Variants in ANKRD55 observed in about 807,000 individuals in gnomAD.
ANKRD55 encodes ankyrin repeat domain-containing protein 55.
In ANKRD55, 41 loss-of-function variants were observed where a neutral mutation model predicts 60.6. The observed-to-expected ratio is 0.68, with a 90% CI of 0.53 to 0.88. ANKRD55 has a LOEUF of 0.88. Ranked by LOEUF, ANKRD55 falls within the 40% of genes least tolerant of loss-of-function variation. The pLI is 0.00. For synonymous variants in ANKRD55, 264 were observed against 290.3 expected (o/e 0.91, Z 0.92); for missense variants, 732 against 767.6 (o/e 0.95, Z 0.55).
chr5:56,225,898 C>T (rs1318352524), intron 2 of ANKRD55, among the ~76,000 whole-genome samples: 3 of 152,106 alleles, frequency 2.0e-5, no homozygotes, highest in Admixed American at 2.0e-4. Context: ...TGAAAATGGC[C>T]ATACTGCCCA....
chr5:56,205,191 G>C (rs1266551139), intron 2 of ANKRD55, among the ~76,000 whole-genome samples: 2 of 152,166 alleles, frequency 1.3e-5, no homozygotes, highest in East Asian at 3.8e-4. Flanking sequence ...CTCCTGAGTA[G>C]TTGGGATTAC....
At chr5:56,178,271 C>A (rs1005235188) in intron 3 of ANKRD55, among the ~76,000 whole-genome samples, 3 of 151,446 alleles carry the variant, frequency 2.0e-5, no homozygotes, top group Non-Finnish European at 2.9e-5. Context: ...CTCCCTGCAG[C>A]CTTGACCTTC....
At chr5:56,136,026 A>T (rs1274461026) in intron 7 of ANKRD55, among the ~76,000 whole-genome samples, 4 of 152,204 alleles carry the variant, frequency 2.6e-5, no homozygotes, top group Admixed American at 2.6e-4. Context: ...TATATGAAAA[A>T]ATCTATAAAA....
At chr5:56,147,309 CA>C (rs1757922258) in intron 6 of ANKRD55, among the ~76,000 whole-genome samples, 1 of 152,210 alleles carries the variant, frequency 6.6e-6, no homozygotes, top group African/African-American at 2.4e-5. Context: ...GTTCTTTCCA[CA>C]CATCATGGTG....
At chr5:56,167,043 A>G (rs1489671299) in intron 5 of ANKRD55, among the ~76,000 whole-genome samples, 1 of 152,242 alleles carries the variant, frequency 6.6e-6, no homozygotes, top group Non-Finnish European at 1.5e-5. Context: ...AAACAACTAT[A>G]AAATATGTAA....
chr5:56,190,606 T>A (rs774752218), intron 2 of ANKRD55, among the ~76,000 whole-genome samples: 11 of 152,220 alleles, frequency 7.2e-5, no homozygotes, highest in Non-Finnish European at 1.2e-4. Flanking sequence ...TTCCTGCTGC[T>A]ATAACACAAT....
chr5:56,190,441 A>T (rs1015840794), intron 2 of ANKRD55, among the ~76,000 whole-genome samples: 1 of 152,082 alleles, frequency 6.6e-6, no homozygotes, highest in African/African-American at 2.4e-5. Flanking sequence ...TTTTTCTATG[A>T]GTTTTACAGT....
intron 8 of ANKRD55, 50 bp downstream of exon 8, chr5:56,126,872 G>A (rs761048464): frequency 2.8e-5 from 43 of 1,548,622 alleles, no homozygotes; most frequent in Non-Finnish European, 3.6e-5. Flanking sequence ...TTAAGATTCA[G>A]TTAGGGGGAA....
intron 2 of ANKRD55, among the ~76,000 whole-genome samples, chr5:56,191,786 C>A (rs551440103): frequency 5.3e-5 from 8 of 152,066 alleles, no homozygotes; most frequent in East Asian, 1.9e-4. Flanking sequence ...TCTGGCCCTG[C>A]GATGTACACT....
chr5:56,227,129 A>G (rs1350434194), intron 2 of ANKRD55, among the ~76,000 whole-genome samples: 2 of 152,182 alleles, frequency 1.3e-5, no homozygotes, highest in African/African-American at 4.8e-5. Flanking sequence ...AAAATGTGGC[A>G]TGTATACACC....
At chr5:56,160,345 C>T (rs770412333) in intron 5 of ANKRD55, among the ~76,000 whole-genome samples, 2 of 152,208 alleles carry the variant, frequency 1.3e-5, no homozygotes, top group African/African-American at 2.4e-5. Flanking sequence ...TTAGCACCAT[C>T]CTCCTGCCTC....
intron 4 of ANKRD55, among the ~76,000 whole-genome samples, chr5:56,175,565 C>A (rs957661461): frequency 6.6e-6 from 1 of 152,140 alleles, no homozygotes; most frequent in Admixed American, 6.5e-5. Flanking sequence ...AAATGCTGAA[C>A]TGAAATCTCT....
At chr5:56,208,028 GT>G (rs971858738) in intron 2 of ANKRD55, among the ~76,000 whole-genome samples, 93 of 151,924 alleles carry the variant, frequency 6.1e-4, no homozygotes, top group Non-Finnish European at 1.0e-3. Flanking sequence ...TATCCTTTAA[GT>G]TTTTTTCTAT....
At chr5:56,207,205 T>G (rs565227496) in intron 2 of ANKRD55, among the ~76,000 whole-genome samples, 1 of 152,300 alleles carries the variant, frequency 6.6e-6, no homozygotes, top group Non-Finnish European at 1.5e-5. Context: ...TGGAACAGGA[T>G]GGAAACAGGC....
chr5:56,159,656 G>A (rs535983175), intron 6 of ANKRD55, among the ~76,000 whole-genome samples, 177 bp downstream of exon 6: 3 of 152,294 alleles, frequency 2.0e-5, no homozygotes. Flanking sequence ...CCCATGGTGG[G>A]GATAAGTTTC....
At chr5:56,172,045 G>A (rs527946026) in intron 4 of ANKRD55, among the ~76,000 whole-genome samples, 107 of 152,010 alleles carry the variant, frequency 7.0e-4, no homozygotes, top group Middle Eastern at 6.8e-3. Flanking sequence ...CGTGAACCCG[G>A]GAGGCAGAGC....
At chr5:56,112,119 T>G (rs981763293) in intron 9 of ANKRD55, among the ~76,000 whole-genome samples, 1 of 152,154 alleles carries the variant, frequency 6.6e-6, no homozygotes. Context: ...GCTGAAAGTG[T>G]TGTTCTCACA....
At chr5:56,209,909 G>A (rs1287985676) in intron 2 of ANKRD55, among the ~76,000 whole-genome samples, 1 of 152,122 alleles carries the variant, frequency 6.6e-6, no homozygotes, top group Admixed American at 6.5e-5. Flanking sequence ...GTGCTTGAGA[G>A]CACACTTCAC....
At chr5:56,221,457 G>A (rs969214196) in intron 2 of ANKRD55, among the ~76,000 whole-genome samples, 1 of 152,220 alleles carries the variant, frequency 6.6e-6, no homozygotes, top group Admixed American at 6.5e-5. Flanking sequence ...TTCCAACTGA[G>A]GTACCAGGTT....
Sources: allele counts gnomAD v4.1 joint callset (sites outside exome capture counted in the v4.1 genomes callset), GRCh38; gene constraint gnomAD v4.1.1; transcripts MANE v1.5; gene names NCBI Gene and HGNC (gene_info 2026-07-23, HGNC 2026-07-21).